The following CYP2C19 variants were observed in gnomAD, a reference collection of about 807,000 sequenced individuals.
CYP2C19 encodes the protein cytochrome P450 2C19.
Under a neutral mutation model 40.9 loss-of-function variants are expected in CYP2C19, and 59 were observed. The observed-to-expected ratio is 1.44, with a 90% CI of 1.17 to 1.79. The LOEUF (loss-of-function observed/expected upper bound fraction) is 1.79, where lower values mean the gene tolerates loss of function less well. Among genes scored for constraint, CYP2C19 ranks in the 40% most tolerant of loss-of-function variants. The pLI, the probability that CYP2C19 is intolerant of heterozygous loss-of-function variation, is 0.00. For synonymous variants in CYP2C19, 253 were observed against 208.7 expected (o/e 1.21, Z -1.83); for missense variants, 754 against 596.9 (o/e 1.26, Z -2.74).
At position 94,790,240 on chromosome 10, in the gene CYP2C19, T is replaced by G. The variant is rs527562632; in HGVS notation, c.819+8243T>G. On this transcript the variant is annotated intron_variant, in intron 5 of 8. Transcript: ENST00000371321. ...AAGTTACTTAACAATTTAAGGGGTT[T>G]TGGGCTGAGACAATGGGGATTTCCT... Among the ~76,000 whole-genome samples, 70 of 152,302 alleles carry G rather than the reference T, an allele frequency of 4.6e-4. 1 individual carries two copies. The highest frequency in any genetic ancestry group is 1.5e-3 in the African/African-American group (63 of 41,580).
chr10:94,768,774 G>T (rs116992754), intron 1 of CYP2C19, among the ~76,000 whole-genome samples: 2,912 of 152,242 alleles, frequency 0.019, 39 homozygotes, highest in Non-Finnish European at 0.027. Context: ...ACGAGTCTGA[G>T]TAAGGACTCC....
In CYP2C19 at chr10:94,852,765, C is replaced by T. The variant is rs192154563; in HGVS notation, c.1324C>T (p.Arg442Cys). 4.5e-5 allele frequency: 73 copies of T among 1,613,954 alleles called. No homozygotes were observed. Among genetic ancestry groups the T allele is most frequent in the African/African-American group, 3.3e-4 (25 of 75,020 alleles). ...GATTTGTGTGGGAGAGGGCCTGGCC[C>T]GCATGGAGCTGTTTTTATTCCTGAC... ...KRICVGEGLA[R>C]MELFLFLTFI... Residue 442 changes from arginine to cysteine, a missense_variant, in exon 9 of 9, where the codon CGC becomes TGC. Transcript: ENST00000371321.
chr10:94,762,959 T>A lies in CYP2C19; in HGVS notation c.168+86T>A, dbSNP rs1360962597. On this transcript the variant is annotated intron_variant, in intron 1 of 8. Transcript: ENST00000371321. ...AAAGTATATCCCTAGAGGTACAATG[T>A]TACAAGAGATCATTGTAAAGTAAAA... The A allele has an allele frequency of 6.7e-6, 9 of 1,351,204 alleles. No individual in the cohort carries two copies. The East Asian group carries it at 2.1e-4, about 31-fold the overall frequency. 83.7% of individuals were successfully genotyped at this position (1,351,204 alleles called of 1,614,324 possible). A position where few individuals can be genotyped will look rare whatever the true frequency, so the allele number is the denominator to read the frequency against.
At chr10:94,833,047 T>G (rs906429705) in intron 6 of CYP2C19, among the ~76,000 whole-genome samples, 2 of 152,228 alleles carry the variant, frequency 1.3e-5, no homozygotes, top group Non-Finnish European at 2.9e-5. Context: ...ACATTTTAAA[T>G]TTCTTTTTCT....
At chr10:94,826,844 A>G (rs1352880824) in intron 6 of CYP2C19, among the ~76,000 whole-genome samples, 1 of 152,116 alleles carries the variant, frequency 6.6e-6, no homozygotes, top group Non-Finnish European at 1.5e-5. Flanking sequence ...TCAATACCTA[A>G]TTTATTGAGA....
intron 3 of CYP2C19, among the ~76,000 whole-genome samples, chr10:94,777,539 C>T (rs192797874): frequency 6.6e-6 from 1 of 152,204 alleles, no homozygotes; most frequent in East Asian, 1.9e-4. Context: ...CTGACAAAAA[C>T]AAGCAATGGG....
intron 5 of CYP2C19, among the ~76,000 whole-genome samples, chr10:94,799,920 T>G (rs1848740848): frequency 6.6e-6 from 1 of 152,060 alleles, no homozygotes; most frequent in Non-Finnish European, 1.5e-5. Flanking sequence ...TTTTCAAGGT[T>G]TTTAGCTTTC....
At chr10:94,828,818 T>A (rs978627497) in intron 6 of CYP2C19, among the ~76,000 whole-genome samples, 1 of 152,200 alleles carries the variant, frequency 6.6e-6, no homozygotes, top group Non-Finnish European at 1.5e-5. Context: ...TTCCTTTCCA[T>A]GATTAGTGCT....
At chr10:94,840,644 G>A (rs1325916044) in intron 6 of CYP2C19, among the ~76,000 whole-genome samples, 1 of 152,194 alleles carries the variant, frequency 6.6e-6, no homozygotes, top group African/African-American at 2.4e-5. Context: ...AAAGGTAGGG[G>A]CGCACGCATG....
chr10:94,792,347 G>T (rs1029245448), intron 5 of CYP2C19, among the ~76,000 whole-genome samples: 1 of 151,992 alleles, frequency 6.6e-6, no homozygotes, highest in Non-Finnish European at 1.5e-5. Flanking sequence ...TGGAGCATTT[G>T]GCCCATTTAC....
In CYP2C19 at chr10:94,825,839, G is replaced by A. The variant is rs1437765062; in HGVS notation, c.961+5202G>A. ...CATCTTGAATTGATTTTTGTATAAG[G>A]TGTAAGGAAGGGATCCAGTTTCAGC... On this transcript the variant is annotated intron_variant, in intron 6 of 8. Coordinates refer to ENST00000371321, the MANE Select transcript of CYP2C19 (RefSeq NM_000769.4). 4.7e-5 allele frequency among the ~76,000 whole-genome samples: 7 copies of A among 148,380 alleles called. No individual in the cohort carries two copies. The South Asian group carries it at 8.7e-4, about 18-fold the overall frequency.
rs906050119 is a variant in CYP2C19 at position 94,777,775 on chromosome 10, T to C, written c.481+2236T>C. ...TTCATGACTAAAACACCAAAAGCAA[T>C]GGCAACAAAAGCCAAAATTGACAAA... On this transcript the variant is annotated intron_variant, in intron 3 of 8. Coordinates refer to ENST00000371321, the MANE Select transcript of CYP2C19 (RefSeq NM_000769.4). Among the ~76,000 whole-genome samples, 21 of 152,168 alleles carry C rather than the reference T, an allele frequency of 1.4e-4. No individual in the cohort carries two copies. In the East Asian group the frequency reaches 3.5e-3, roughly 25 times the overall value.
At chr10:94,830,425 C>A (rs1849314837) in intron 6 of CYP2C19, among the ~76,000 whole-genome samples, 1 of 152,168 alleles carries the variant, frequency 6.6e-6, no homozygotes, top group South Asian at 2.1e-4. Flanking sequence ...TTTCCAGGTG[C>A]CGTCTGTCAC....
chr10:94,840,496 G>A (rs774288549), intron 6 of CYP2C19, among the ~76,000 whole-genome samples: 3 of 152,090 alleles, frequency 2.0e-5, no homozygotes, highest in African/African-American at 7.2e-5. Flanking sequence ...GATACAACTT[G>A]CTAGAGGAAA....
At chr10:94,765,425 G>A (rs1230318629) in intron 1 of CYP2C19, among the ~76,000 whole-genome samples, 3 of 152,222 alleles carry the variant, frequency 2.0e-5, no homozygotes, top group Non-Finnish European at 2.9e-5. Flanking sequence ...ACAACTGGTT[G>A]TGTATGTTAA....
At chr10:94,768,495 C>T (rs892024317) in intron 1 of CYP2C19, among the ~76,000 whole-genome samples, 8 of 152,008 alleles carry the variant, frequency 5.3e-5, no homozygotes, top group African/African-American at 1.9e-4. Context: ...GGGGGCTATG[C>T]CTGTATGTAT....
At chr10:94,847,061 T>A (rs1327866840) in intron 7 of CYP2C19, among the ~76,000 whole-genome samples, 1 of 151,372 alleles carries the variant, frequency 6.6e-6, no homozygotes, top group Non-Finnish European at 1.5e-5. Flanking sequence ...TTCAACTTTA[T>A]TTTATTTATT....
chr10:94,776,996 A>G (rs993291164), intron 3 of CYP2C19, among the ~76,000 whole-genome samples: 1 of 152,130 alleles, frequency 6.6e-6, no homozygotes, highest in Non-Finnish European at 1.5e-5. Flanking sequence ...AAGCATTCCT[A>G]TACACCAATA....
chr10:94,816,662 T>C (rs1351400566), intron 5 of CYP2C19, among the ~76,000 whole-genome samples: 47 of 151,546 alleles, frequency 3.1e-4, no homozygotes. Flanking sequence ...TGTGCCATCC[T>C]GGTGCGCTGC....
Sources: allele counts gnomAD v4.1 joint callset (sites outside exome capture counted in the v4.1 genomes callset), GRCh38; gene constraint gnomAD v4.1.1; transcripts MANE v1.5; gene names NCBI Gene and HGNC (gene_info 2026-07-23, HGNC 2026-07-21).